Variants in RASGRF2 observed in about 807,000 individuals in gnomAD.
The protein encoded by RASGRF2 is ras-specific guanine nucleotide-releasing factor 2.
RASGRF2 carries 76 observed loss-of-function variants against 151.0 expected under a neutral mutation model. That is an observed-to-expected ratio of 0.50 (90% CI 0.42 to 0.61). RASGRF2 has a LOEUF of 0.61. Ranked by LOEUF, RASGRF2 falls within the 20% of genes least tolerant of loss-of-function variation. RASGRF2 has a pLI of 0.00. For missense variants in RASGRF2, 1,148 were observed against 1,564.6 expected, an observed-to-expected ratio of 0.73 and a Z score of 4.49; for synonymous variants, 504 against 566.5, an observed-to-expected ratio of 0.89 and a Z score of 1.57.
chr5:81,126,503 C>T (rs1002032241), intron 16 of RASGRF2, among the ~76,000 whole-genome samples: 1 of 152,080 alleles, frequency 6.6e-6, no homozygotes, highest in African/African-American at 2.4e-5. Context: ...TTTCATCACC[C>T]AGAAAGAAAC....
intron 1 of RASGRF2, among the ~76,000 whole-genome samples, chr5:80,990,005 T>C (rs1233975205): frequency 6.6e-6 from 1 of 152,080 alleles, no homozygotes; most frequent in Non-Finnish European, 1.5e-5. Context: ...GTGTTCCCCT[T>C]CTCCCCACCA....
chr5:81,141,670 T>G (rs2112601883), intron 17 of RASGRF2, among the ~76,000 whole-genome samples: 1 of 152,342 alleles, frequency 6.6e-6, no homozygotes, highest in East Asian at 1.9e-4. Context: ...GTCCATTTCT[T>G]TCCGTCTTTT....
intron 26 of RASGRF2, among the ~76,000 whole-genome samples, 162 bp from the exon 27 acceptor site, chr5:81,225,513 CTTT>C (rs11341888): frequency 1.3e-3 from 178 of 141,418 alleles, no homozygotes; most frequent in African/African-American, 3.9e-3. Context: ...AGATGTTCAC[CTTT>C]TTTTTTTTTT....
At position 81,101,620 on chromosome 5, in the gene RASGRF2, CTCTT is replaced by C. The variant is rs1752701274; in HGVS notation, c.1755+6636_1755+6639del. ...ATCTATCTATCATCTCTCTCTGTCT[CTCTT>C]TCTTTCTCTCTGTCTCTCTCTCTCT... is the stretch of plus-strand genomic sequence containing the variant. On this transcript the variant is annotated intron_variant, in intron 12 of 26. Coordinates refer to ENST00000265080, the MANE Select transcript of RASGRF2 (RefSeq NM_006909.3). Among the ~76,000 whole-genome samples, 4 of 152,080 alleles carry C rather than the reference CTCTT, an allele frequency of 2.6e-5. No homozygotes were observed. The South Asian group carries it at 8.3e-4, about 32-fold the overall frequency.
intron 17 of RASGRF2, among the ~76,000 whole-genome samples, chr5:81,166,379 G>T (rs1196362385): frequency 6.6e-6 from 1 of 151,892 alleles, no homozygotes; most frequent in Non-Finnish European, 1.5e-5. Flanking sequence ...GTAGAGACAG[G>T]GTTTCACCAT....
Position 81,113,754 on chromosome 5 carries a change from C to T in RASGRF2, c.2304C>T (p.Thr768=). 1 of 1,614,132 alleles carries T rather than the reference C, an allele frequency of 6.2e-7. No individual in the cohort carries two copies. The highest frequency in any genetic ancestry group is 8.5e-7 in the Non-Finnish European group (1 of 1,180,020). ...LDLTTSSSPT[T]TTQSPAASPP... is the part of the protein sequence containing the mutation. ...TGACAACTTCCAGCAGTCCCACCACCACCACCCAGAGTCCCGCTGCGTCTC... is the reference window on the plus strand; with the variant it reads ...TGACAACTTCCAGCAGTCCCACCACTACCACCCAGAGTCCCGCTGCGTCTC... The change falls in exon 15 of 27, where the codon ACC becomes ACT. Residue 768 remains threonine (T), a synonymous_variant. Coordinates refer to ENST00000265080, the MANE Select transcript of RASGRF2 (RefSeq NM_006909.3).
At chr5:81,210,874 T>G (rs539974433) in intron 22 of RASGRF2, among the ~76,000 whole-genome samples, 1 of 152,228 alleles carries the variant, frequency 6.6e-6, no homozygotes, top group African/African-American at 2.4e-5. Flanking sequence ...GGCTGGAGAC[T>G]GTAGCTCACA....
At chr5:80,983,612 C>T (rs539386110) in intron 1 of RASGRF2, among the ~76,000 whole-genome samples, 1 of 152,324 alleles carries the variant, frequency 6.6e-6, no homozygotes, top group South Asian at 2.1e-4. Context: ...TTGCCCTTTA[C>T]GGAAAACATT....
At chr5:81,204,249 A>T (rs529057603) in intron 19 of RASGRF2, 2 of 152,362 alleles carry the variant, frequency 1.3e-5, no homozygotes, top group Admixed American at 1.3e-4. Flanking sequence ...TTGGAACTGA[A>T]CCAGAAGTGC....
At chr5:81,103,774 A>G (rs1377909485) in intron 12 of RASGRF2, among the ~76,000 whole-genome samples, 2 of 152,178 alleles carry the variant, frequency 1.3e-5, no homozygotes, top group Non-Finnish European at 2.9e-5. Context: ...GAAATTTGTA[A>G]TGGTCACTGT....
At chr5:81,096,470 AG>A (rs1397755330) in intron 12 of RASGRF2, 2 of 152,256 alleles carry the variant, frequency 1.3e-5, no homozygotes, top group Non-Finnish European at 2.9e-5. Flanking sequence ...GCAGGCTCAT[AG>A]GGAGCAAAAG....
chr5:80,973,805 A>G (rs192751402), intron 1 of RASGRF2, among the ~76,000 whole-genome samples: 4 of 152,342 alleles, frequency 2.6e-5, no homozygotes, highest in Non-Finnish European at 5.9e-5. Context: ...ACTAAAGTGT[A>G]TGGACCAGGA....
chr5:81,225,724 C>T lies in RASGRF2; in HGVS notation c.3668C>T (p.Thr1223Met), dbSNP rs369787079. Reference sequence around the variant, plus strand: ...AAAGACCTTATCATAGATGAAGATACGCTATATGAGCTGTCACTAAAAATT... The same window carrying T: ...AAAGACCTTATCATAGATGAAGATATGCTATATGAGCTGTCACTAAAAATT... ...LDKDLIIDED[T>M]LYELSLKIEP... Residue 1223 changes from threonine to methionine, a missense_variant, in exon 27 of 27, where the codon ACG (threonine) becomes ATG (methionine). Physicochemically the swap from Thr to Met is moderately conservative, Grantham distance 81. Around this residue, in one of 5 missense-constraint regions of RASGRF2, gnomAD observed 100 missense variants for 148.2 expected, o/e 0.67. Transcript: ENST00000265080. The T allele has an allele frequency of 5.6e-6, 9 of 1,612,130 alleles. No homozygotes were observed. Among genetic ancestry groups the T allele is most frequent in the African/African-American group, 4.0e-5 (3 of 74,704 alleles).
At chr5:81,065,760 C>T (rs766776971) in intron 2 of RASGRF2, among the ~76,000 whole-genome samples, 1 of 152,136 alleles carries the variant, frequency 6.6e-6, no homozygotes, top group African/African-American at 2.4e-5. Context: ...CATTTCCCCA[C>T]CAAGCTAATT....
At chr5:81,050,565 A>T (rs544276691) in intron 2 of RASGRF2, among the ~76,000 whole-genome samples, 14 of 151,848 alleles carry the variant, frequency 9.2e-5, no homozygotes, top group Admixed American at 8.5e-4. Flanking sequence ...CCCTCCCCTT[A>T]TGTCCTGGGC....
chr5:80,970,414 A>G (rs987668208), intron 1 of RASGRF2, among the ~76,000 whole-genome samples: 5 of 152,176 alleles, frequency 3.3e-5, no homozygotes, highest in Non-Finnish European at 5.9e-5. Context: ...AACAGTGGGA[A>G]TATTACAAGA....
chr5:81,044,181 G>A (rs1177004741), intron 2 of RASGRF2, among the ~76,000 whole-genome samples: 1 of 152,140 alleles, frequency 6.6e-6, no homozygotes, highest in Non-Finnish European at 1.5e-5. Flanking sequence ...ACTTTGGGAG[G>A]CTGAAGTGGG....
chr5:81,164,209 G>A (rs991264210), intron 17 of RASGRF2, among the ~76,000 whole-genome samples: 3 of 152,108 alleles, frequency 2.0e-5, no homozygotes, highest in Non-Finnish European at 4.4e-5. Context: ...TTCTACCTCT[G>A]AAGAGTAAGA....
chr5:81,131,041 G>A (rs1011645742), intron 17 of RASGRF2, among the ~76,000 whole-genome samples: 4 of 152,226 alleles, frequency 2.6e-5, no homozygotes, highest in East Asian at 3.9e-4. Context: ...GGCACCTCTG[G>A]GTTATAACTG....
Sources: gnomAD v4.1 joint callset for allele counts (sites outside exome capture counted in the v4.1 genomes callset) on GRCh38, gnomAD v4.1.1 for gene constraint, gnomAD v4.1.1 regional missense constraint, MANE v1.5 for transcripts, NCBI Gene and HGNC (gene_info 2026-07-23, HGNC 2026-07-21) for gene names.